Variants in EXOC4 observed in about 807,000 individuals in gnomAD.
EXOC4 encodes the protein SEC8-like 1.
In EXOC4, 71 loss-of-function variants were observed where a neutral mutation model predicts 107.2. The ratio of observed to expected loss-of-function variants is 0.66; its 90% CI spans 0.55 to 0.81. The LOEUF (loss-of-function observed/expected upper bound fraction) is 0.81, where lower values mean the gene tolerates loss of function less well. Among genes scored for constraint, EXOC4 ranks in the 30% least tolerant of loss-of-function variants. The pLI, the probability that EXOC4 is intolerant of heterozygous loss-of-function variation, is 0.00. For missense variants in EXOC4, 1,108 were observed against 1,189.6 expected, an observed-to-expected ratio of 0.93 and a Z score of 1.01; for synonymous variants, 456 against 441.2, an observed-to-expected ratio of 1.03 and a Z score of -0.42.
chr7:133,413,224 A>T (rs1490302536), intron 7 of EXOC4, among the ~76,000 whole-genome samples: 28 of 151,910 alleles, frequency 1.8e-4, no homozygotes, highest in Admixed American at 1.8e-3. Context: ...AGGTCATTGA[A>T]TTTTTTTCTG....
At chr7:133,797,778 C>T (rs185800203) in intron 10 of EXOC4, among the ~76,000 whole-genome samples, 1 of 152,200 alleles carries the variant, frequency 6.6e-6, no homozygotes, top group Non-Finnish European at 1.5e-5. Context: ...CACAAGCTTA[C>T]ATTTATTCAG....
intron 17 of EXOC4, among the ~76,000 whole-genome samples, chr7:134,021,932 G>A (rs569133450): frequency 1.7e-3 from 266 of 152,092 alleles, no homozygotes; most frequent in African/African-American, 6.2e-3. Flanking sequence ...AGGGAGGGAG[G>A]GAGAGGTTGG....
In EXOC4 at chr7:133,857,173, TATATATATATATATATATATATATATA is replaced by T; in HGVS notation, c.1735-38425_1735-38399del. Among the ~76,000 whole-genome samples the T allele has an allele frequency of 1.7e-4, 3 of 17,668 alleles. 1 individual carries two copies. Among genetic ancestry groups the T allele is most frequent in the Non-Finnish European group, 2.8e-4 (3 of 10,784 alleles). The allele number at this position is 17,668 out of a possible 152,430, so 11.6% of individuals were successfully genotyped here. On this transcript the variant is annotated intron_variant, in intron 11 of 17. Transcript: ENST00000253861. ...GTATATATATATATATATATATATATATATATATATATATATATATATATATATTTTACCTCTACTTAACCTCCCTGG... is the reference window on the plus strand; with the variant it reads ...GTATATATATATATATATATATATATTTTTACCTCTACTTAACCTCCCTGG...
intron 13 of EXOC4, among the ~76,000 whole-genome samples, chr7:133,930,089 C>G (rs1356500743): frequency 6.6e-6 from 1 of 152,112 alleles, no homozygotes; most frequent in Admixed American, 6.5e-5. Flanking sequence ...GTGGAAAAAT[C>G]AGAGTATAAT....
At chr7:133,897,004 G>T (rs903622638) in intron 12 of EXOC4, among the ~76,000 whole-genome samples, 1 of 149,066 alleles carries the variant, frequency 6.7e-6, no homozygotes, top group Non-Finnish European at 1.5e-5. Context: ...GAGATAGTTT[G>T]ACTGGAACAG....
At chr7:133,947,415 T>A (rs775202968) in intron 14 of EXOC4, among the ~76,000 whole-genome samples, 1 of 152,134 alleles carries the variant, frequency 6.6e-6, no homozygotes, top group African/African-American at 2.4e-5. Context: ...GCTCCCAAAA[T>A]GTTTCTGAGG....
chr7:134,018,728 A>G (rs574421769), intron 17 of EXOC4, among the ~76,000 whole-genome samples: 3 of 151,822 alleles, frequency 2.0e-5, no homozygotes, highest in South Asian at 2.1e-4. Context: ...TTTTATTAAC[A>G]TGTTCTCTCT....
Position 133,499,053 on chromosome 7 carries a change from C to T in EXOC4, c.1417+18915C>T, listed in dbSNP as rs533036990. Among the ~76,000 whole-genome samples, 9 of 149,828 alleles carry T rather than the reference C, an allele frequency of 6.0e-5. No homozygotes were observed. In the South Asian group the frequency reaches 8.5e-4, roughly 14 times the overall value. ...CAATCAGTATTCTAAAACATTTTAC[C>T]GGTAGTATGTCTTCTTCTTTTATTC... is the stretch of plus-strand genomic sequence containing the variant. On this transcript the variant is annotated intron_variant, in intron 9 of 17. Transcript: ENST00000253861.
chr7:133,401,400 T>C (rs1210434349), intron 7 of EXOC4, among the ~76,000 whole-genome samples: 4 of 151,980 alleles, frequency 2.6e-5, no homozygotes, highest in Admixed American at 2.6e-4. Context: ...CTGGGTTCAT[T>C]CCCGTAATAC....
intron 10 of EXOC4, among the ~76,000 whole-genome samples, chr7:133,637,465 GT>G (rs1394265471): frequency 6.6e-6 from 1 of 152,252 alleles, no homozygotes; most frequent in East Asian, 1.9e-4. Flanking sequence ...ACAGATGCAT[GT>G]TTGTTCTTAA....
intron 5 of EXOC4, among the ~76,000 whole-genome samples, chr7:133,348,427 A>G (rs553486886): frequency 6.6e-6 from 1 of 152,304 alleles, no homozygotes; most frequent in South Asian, 2.1e-4. Context: ...AAGTGGCTAC[A>G]TGTGACATAA....
At chr7:133,494,182 A>G (rs1799429952) in intron 9 of EXOC4, among the ~76,000 whole-genome samples, 1 of 152,128 alleles carries the variant, frequency 6.6e-6, no homozygotes, top group Non-Finnish European at 1.5e-5. Context: ...GGTGAGGGAG[A>G]GCTTCTTTCT....
chr7:133,781,176 T>G (rs1585140425), intron 10 of EXOC4, among the ~76,000 whole-genome samples: 1 of 152,190 alleles, frequency 6.6e-6, no homozygotes, highest in East Asian at 1.9e-4. Context: ...AAAATTCCCT[T>G]CTAAGTGTTG....
At chr7:133,265,867 T>A (rs1793716566) in intron 1 of EXOC4, among the ~76,000 whole-genome samples, 1 of 152,198 alleles carries the variant, frequency 6.6e-6, no homozygotes, top group South Asian at 2.1e-4. Context: ...AGTTAATTAG[T>A]TTAGTTATCT....
At chr7:133,576,663 A>G in intron 9 of EXOC4, 1 of 1,289,782 alleles carries the variant, frequency 7.8e-7, no homozygotes, top group Non-Finnish European at 1.0e-6. Flanking sequence ...AAAAAGAAAC[A>G]ATCAGAAGTG....
intron 5 of EXOC4, among the ~76,000 whole-genome samples, chr7:133,323,145 T>C (rs535739251): frequency 5.9e-5 from 9 of 152,298 alleles, no homozygotes; most frequent in African/African-American, 2.2e-4. Context: ...TATACAATCA[T>C]GTCATCTGCA....
At chr7:134,078,548 C>CCCAATCA in the EXOC4 span, among the ~76,000 whole-genome samples, 7 of 152,220 alleles carry the variant, frequency 4.6e-5, 1 homozygote, top group African/African-American at 1.7e-4. Flanking sequence ...ACAACGTAGG[C>CCCAATCA]CCAATCACCA....
chr7:133,979,855 T>C (rs1208566253), intron 14 of EXOC4, among the ~76,000 whole-genome samples: 1 of 152,120 alleles, frequency 6.6e-6, no homozygotes, highest in Non-Finnish European at 1.5e-5. Context: ...CATCCTTTCC[T>C]TGGAAAGGGA....
At chr7:133,415,337 G>A (rs558973209) in intron 7 of EXOC4, among the ~76,000 whole-genome samples, 2 of 140,688 alleles carry the variant, frequency 1.4e-5, no homozygotes, top group Admixed American at 1.4e-4. Context: ...TGTTGGAATA[G>A]CCAAATTGTT....
Sources: gnomAD v4.1 joint callset for allele counts (sites outside exome capture counted in the v4.1 genomes callset) on GRCh38, gnomAD v4.1.1 for gene constraint, MANE v1.5 for transcripts, NCBI Gene and HGNC (gene_info 2026-07-23, HGNC 2026-07-21) for gene names.